The following NUDT11 variants were observed in gnomAD, a reference collection of about 807,000 sequenced individuals.
NUDT11 encodes the protein diphosphoinositol polyphosphate phosphohydrolase 3-beta.
In NUDT11, 1 loss-of-function variant was observed where a neutral mutation model predicts 10.0. That is an observed-to-expected ratio of 0.10 (90% CI 0.04 to 0.47). The LOEUF (loss-of-function observed/expected upper bound fraction) is 0.47. Ranked by LOEUF, NUDT11 falls within the 20% of genes least tolerant of loss-of-function variation. The probability of loss-of-function intolerance (pLI) is 0.96; values close to 1 mark genes in which losing one functional copy is unlikely to be tolerated. For synonymous variants in NUDT11, 63 were observed against 65.9 expected (o/e 0.96, Z 0.21); for missense variants, 47 against 140.4 (o/e 0.33, Z 3.36).
intron 1 of NUDT11, among the ~76,000 whole-genome samples, chrX:51,492,250 T>C (rs1489799419): frequency 8.9e-6 from 1 of 112,202 alleles, no homozygotes; most frequent in African/African-American, 3.2e-5. Context: ...AGATTTTTTT[T>C]TTAAACTGAG....
At chrX:51,493,808 G>A (rs1400984018) in intron 1 of NUDT11, among the ~76,000 whole-genome samples, 4 of 111,168 alleles carry the variant, frequency 3.6e-5, no homozygotes, top group Middle Eastern at 4.7e-3. Flanking sequence ...TTAAGAGAGG[G>A]TTACTATGAA....
intron 1 of NUDT11, among the ~76,000 whole-genome samples, chrX:51,494,980 C>T (rs1163971887): frequency 3.6e-5 from 4 of 111,526 alleles, no homozygotes; most frequent in African/African-American, 1.3e-4. Flanking sequence ...AGACCACTTT[C>T]AAAAACGAAC....
rs1344229152 is a variant in NUDT11, at chrX:51,490,712, A to C, written c.*1037T>G. The C allele has an allele frequency of 3.6e-5, 4 of 112,084 alleles. No individual in the cohort carries two copies. The highest frequency in any genetic ancestry group is 1.3e-4 in the African/African-American group (4 of 30,804). The allele number at this position is 112,084 out of a possible 1,213,427, so 9.2% of individuals were successfully genotyped here. A position where few individuals can be genotyped will look rare whatever the true frequency, so the allele number is the denominator to read the frequency against. On this transcript the variant is annotated 3_prime_UTR_variant, in exon 2 of 2. Transcript: ENST00000375992. Reference sequence around the variant, plus strand: ...AGCCCTCTGCATTCTCATATGCAGAAACCAGGTAGGATGAGGAGCTAGCTG... The same window carrying C: ...AGCCCTCTGCATTCTCATATGCAGACACCAGGTAGGATGAGGAGCTAGCTG...
intron 1 of NUDT11, 104 bp from the exon 2 acceptor site, chrX:51,491,853 A>G (rs1371399543): frequency 1.1e-5 from 6 of 554,651 alleles, no homozygotes; most frequent in African/African-American, 4.5e-5. Flanking sequence ...CTTTGCATCA[A>G]GCACTTCACT....
intron 1 of NUDT11, among the ~76,000 whole-genome samples, chrX:51,495,636 C>A (rs1925682968): frequency 9.1e-6 from 1 of 110,258 alleles, no homozygotes; most frequent in Non-Finnish European, 1.9e-5. Flanking sequence ...CCCTCGCCCC[C>A]CACACACACC....
chrX:51,492,417 A>G (rs112420734), intron 1 of NUDT11, among the ~76,000 whole-genome samples: 40 of 104,766 alleles, frequency 3.8e-4, no homozygotes, highest in African/African-American at 1.3e-3. Context: ...CCCAGGCTGG[A>G]GTGATCTTGG....
chrX:51,494,331 T>C (rs1450534714), intron 1 of NUDT11, among the ~76,000 whole-genome samples: 1 of 112,167 alleles, frequency 8.9e-6, no homozygotes, highest in African/African-American at 3.2e-5. Context: ...ATAATAAAAC[T>C]GTTGTAAGTT....
rs1317578476 is a variant in NUDT11, at chrX:51,491,329, C to A, written c.*420G>T. 7.5e-6 allele frequency: 1 copy of A among 133,106 alleles called. No individual in the cohort carries two copies. The highest frequency in any genetic ancestry group is 3.2e-5 in the African/African-American group (1 of 31,500). The allele number at this position is 133,106 out of a possible 1,213,427, so 11.0% of individuals were successfully genotyped here. ...CTAGATAGCATATACTCTACTAGCA[C>A]CAGATTGGAAGGGGAATGTTTTGCC... is the stretch of plus-strand genomic sequence containing the variant. On this transcript the variant is annotated 3_prime_UTR_variant, in exon 2 of 2. Transcript: ENST00000375992.
At chrX:51,494,847 C>T (rs1925666661) in intron 1 of NUDT11, among the ~76,000 whole-genome samples, 1 of 112,019 alleles carries the variant, frequency 8.9e-6, no homozygotes, top group Non-Finnish European at 1.9e-5. Flanking sequence ...CAATTCTGTA[C>T]CAGCTGAACA....
chrX:51,494,626 A>C (rs1331253200), intron 1 of NUDT11, among the ~76,000 whole-genome samples: 6 of 111,352 alleles, frequency 5.4e-5, no homozygotes, highest in Non-Finnish European at 1.1e-4. Flanking sequence ...CAGCAAAAAA[A>C]AAAAACAGCA....
chrX:51,493,708 G>A (rs192048211), intron 1 of NUDT11, among the ~76,000 whole-genome samples: 163 of 109,587 alleles, frequency 1.5e-3, no homozygotes, highest in African/African-American at 5.1e-3. Context: ...TTAACAGTAC[G>A]CCTTGAAAAG....
rs190047588 is a variant in NUDT11, at chrX:51,491,730, T to C, written c.*19A>G. ...ATCAATGTTTCTTTCAGCACAATACTGAACATCTTTGCTGTTCATCTGGAA... is the reference window on the plus strand; with the variant it reads ...ATCAATGTTTCTTTCAGCACAATACCGAACATCTTTGCTGTTCATCTGGAA... On this transcript the variant is annotated 3_prime_UTR_variant, in exon 2 of 2. Transcript: ENST00000375992. The C allele has an allele frequency of 5.4e-5, 31 of 569,611 alleles. No individual in the cohort carries two copies. In the African/African-American group the frequency reaches 6.0e-4, roughly 11 times the overall value. 46.9% of individuals were successfully genotyped at this position (569,611 alleles called of 1,213,427 possible).
intron 1 of NUDT11, among the ~76,000 whole-genome samples, chrX:51,495,691 C>G (rs1394408071): frequency 2.7e-5 from 3 of 109,851 alleles, no homozygotes; most frequent in Non-Finnish European, 5.7e-5. Flanking sequence ...AACCCCAAGC[C>G]GCATAGGCTT....
intron 1 of NUDT11, among the ~76,000 whole-genome samples, chrX:51,495,048 G>A (rs1925670332): frequency 8.9e-6 from 1 of 111,859 alleles, no homozygotes; most frequent in African/African-American, 3.3e-5. Context: ...ATGGGAGTTG[G>A]AAGTTGAGTA....
rs1165303528 is a variant in NUDT11 at position 51,490,017 on chromosome X, T to A, written c.*1732A>T. ...ACAAGTAAACTCTGAAGAATACTTT[T>A]TTCAATTTTTATTATGGAAAATTTC... On this transcript the variant is annotated 3_prime_UTR_variant, in exon 2 of 2. Transcript: ENST00000375992. 8.9e-6 allele frequency: 1 copy of A among 111,976 alleles called. No homozygotes were observed. The highest frequency in any genetic ancestry group is 2.8e-4 in the East Asian group (1 of 3,562). 9.2% of individuals were successfully genotyped at this position (111,976 alleles called of 1,213,427 possible). A position where few individuals can be genotyped will look rare whatever the true frequency, so the allele number is the denominator to read the frequency against.
At chrX:51,491,895 A>C (rs781926900) in intron 1 of NUDT11, 146 bp from the exon 2 acceptor site, 1 of 509,418 alleles carries the variant, frequency 2.0e-6, no homozygotes, top group East Asian at 3.5e-5. Context: ...GATGCAATCA[A>C]TGAGTCTGGA....
rs1214587540 is a variant in NUDT11, at chrX:51,490,089, T to TCCA, written c.*1657_*1659dup. ...GAATAGTATAATGAACTCTCAAACATCCATCACACAGCTTCAGCAATTACC... is the reference window on the plus strand; with the variant it reads ...GAATAGTATAATGAACTCTCAAACATCCACCATCACACAGCTTCAGCAATTACC... On this transcript the variant is annotated 3_prime_UTR_variant, in exon 2 of 2. Transcript: ENST00000375992. The TCCA allele has an allele frequency of 2.7e-5, 3 of 111,687 alleles. No individual in the cohort carries two copies. Among genetic ancestry groups the TCCA allele is most frequent in the Non-Finnish European group, 5.6e-5 (3 of 53,150 alleles). 9.2% of individuals were successfully genotyped at this position (111,687 alleles called of 1,213,427 possible).
chrX:51,491,491 T>C lies in NUDT11; in HGVS notation c.*258A>G, dbSNP rs1738268279. 1 of 322,917 alleles carries C rather than the reference T, an allele frequency of 3.1e-6. No homozygotes were observed. The highest frequency in any genetic ancestry group is 5.5e-5 in the Admixed American group (1 of 18,154). The allele number at this position is 322,917 out of a possible 1,213,427, so 26.6% of individuals were successfully genotyped here. A position where few individuals can be genotyped will look rare whatever the true frequency, so the allele number is the denominator to read the frequency against. On this transcript the variant is annotated 3_prime_UTR_variant, in exon 2 of 2. Transcript: ENST00000375992. Reference sequence around the variant, plus strand: ...TGCTCTCAAAGACATCATAGTCTAATGAAGGCAGACACATCAAAAAAGCAC... The same window carrying C: ...TGCTCTCAAAGACATCATAGTCTAACGAAGGCAGACACATCAAAAAAGCAC...
intron 1 of NUDT11, among the ~76,000 whole-genome samples, chrX:51,494,619 CAAA>C (rs200803382): frequency 1.1e-5 from 1 of 93,706 alleles, no homozygotes. Flanking sequence ...AAGGGGGCAG[CAAA>C]AAAAAAAAAC....
Sources: allele counts gnomAD v4.1 joint callset (sites outside exome capture counted in the v4.1 genomes callset), GRCh38; gene constraint gnomAD v4.1.1; transcripts MANE v1.5; gene names NCBI Gene and HGNC (gene_info 2026-07-23, HGNC 2026-07-21).